HMGB1: variants seen among roughly 807,000 people sequenced by gnomAD.
The protein encoded by HMGB1 is high mobility group protein B1.
For missense variants in HMGB1, 79 were observed against 253.5 expected (o/e 0.31, Z 4.67); for synonymous variants, 81 against 84.0 (o/e 0.96, Z 0.19).
chr13:30,525,889 G>T (rs1888354894), intron 1 of HMGB1, among the ~76,000 whole-genome samples: 2 of 152,000 alleles, frequency 1.3e-5, no homozygotes, highest in South Asian at 4.1e-4. Context: ...TATAATGGGG[G>T]TTTCGTCATG....
Position 30,570,911 on chromosome 13 carries a change from T to C in HMGB1, c.-15+45760A>G, listed in dbSNP as rs1214858889. 2.0e-5 allele frequency among the ~76,000 whole-genome samples: 3 copies of C among 152,340 alleles called. No homozygotes were observed. In the East Asian group the frequency reaches 5.8e-4, roughly 29 times the overall value. On this transcript the variant is annotated intron_variant, in intron 1 of 4. Transcript: ENST00000405805. ...CCTTCTTCTTAAATAAAGGCAATTCTCTAAATATATTACCTAATGTGCTTT... is the reference window on the plus strand; with the variant it reads ...CCTTCTTCTTAAATAAAGGCAATTCCCTAAATATATTACCTAATGTGCTTT...
intron 1 of HMGB1, among the ~76,000 whole-genome samples, chr13:30,513,704 C>A (rs539057717): frequency 1.3e-5 from 2 of 152,316 alleles, no homozygotes; most frequent in South Asian, 4.1e-4. Context: ...TTGACCCACT[C>A]TCTTGATAAC....
intron 1 of HMGB1, among the ~76,000 whole-genome samples, chr13:30,545,246 G>C (rs1321836016): frequency 6.6e-6 from 1 of 151,906 alleles, no homozygotes. Context: ...GGTCAGCCTG[G>C]GCAATACAGT....
At chr13:30,610,529 C>T (rs182959775) in intron 1 of HMGB1, among the ~76,000 whole-genome samples, 6 of 152,280 alleles carry the variant, frequency 3.9e-5, no homozygotes, top group African/African-American at 1.4e-4. Flanking sequence ...TTTCATTTCA[C>T]ACATGGAAAA....
Position 30,538,581 on chromosome 13 carries a change from TTTC to T in HMGB1, c.-14-74890_-14-74888del, listed in dbSNP as rs1350922916. Among the ~76,000 whole-genome samples the T allele has an allele frequency of 2.1e-5, 3 of 145,372 alleles. 1 individual carries two copies. The East Asian group carries it at 5.9e-4, about 29-fold the overall frequency. On this transcript the variant is annotated intron_variant, in intron 1 of 4. Coordinates refer to the HMGB1 transcript ENST00000405805. ...TTTCTTTCTTCTTTTTCTTTCTTTC[TTTC>T]TTTTTCTTTCTTCTTTTTCTTTCTT... is the stretch of plus-strand genomic sequence containing the variant.
chr13:30,548,608 T>C (rs915377216), intron 1 of HMGB1, among the ~76,000 whole-genome samples: 1 of 152,212 alleles, frequency 6.6e-6, no homozygotes, highest in African/African-American at 2.4e-5. Context: ...TAAAAGAGTA[T>C]GCGGTTTGCA....
chr13:30,548,035 A>G (rs978370329), intron 1 of HMGB1, among the ~76,000 whole-genome samples: 2 of 152,176 alleles, frequency 1.3e-5, no homozygotes, highest in Non-Finnish European at 2.9e-5. Flanking sequence ...TTTTTCTAAG[A>G]AAATTTGCAA....
At chr13:30,464,301 GC>G in intron 1 of HMGB1, 1 of 985,488 alleles carries the variant, frequency 1.0e-6, no homozygotes, top group South Asian at 4.7e-5. Flanking sequence ...TATCGGTTTG[GC>G]CCTGAGATGT....
rs1355761461 is a variant in HMGB1 at position 30,562,536 on chromosome 13, T to G, written c.-15+54135A>C. Among the ~76,000 whole-genome samples, 13 of 152,284 alleles carry G rather than the reference T, an allele frequency of 8.5e-5. No individual in the cohort carries two copies. The East Asian group carries it at 2.5e-3, about 29-fold the overall frequency. On this transcript the variant is annotated intron_variant, in intron 1 of 4. Transcript: ENST00000405805. ...ATATCAACTTACTTTTATATTACAG[T>G]ATTTTTGTTATACAGAAGTTTATAT...
At chr13:30,482,876 C>T (rs1887265365) in intron 1 of HMGB1, among the ~76,000 whole-genome samples, 1 of 152,072 alleles carries the variant, frequency 6.6e-6, no homozygotes, top group Admixed American at 6.5e-5. Context: ...TAGCCTTGAC[C>T]TCCCGGGCTC....
At position 30,459,916 on chromosome 13, in the gene HMGB1, G is replaced by A. The variant is rs1477775890; in HGVS notation, c.*1441C>T. On this transcript the variant is annotated 3_prime_UTR_variant, in exon 5 of 5. Transcript: ENST00000341423. Reference sequence around the variant, plus strand: ...GACTCAGATGTTCAGTATTCCTCCTGAAATTACATAAACAAATGCAAATGG... The same window carrying A: ...GACTCAGATGTTCAGTATTCCTCCTAAAATTACATAAACAAATGCAAATGG... 6.6e-6 allele frequency: 1 copy of A among 152,474 alleles called. No homozygotes were observed. Among genetic ancestry groups the A allele is most frequent in the African/African-American group, 2.4e-5 (1 of 41,418 alleles). The allele number at this position is 152,474 out of a possible 1,614,324, so 9.4% of individuals were successfully genotyped here.
chr13:30,588,302 T>C (rs1044247320), intron 1 of HMGB1, among the ~76,000 whole-genome samples: 2 of 152,174 alleles, frequency 1.3e-5, no homozygotes, highest in African/African-American at 4.8e-5. Context: ...ACAGAATAGT[T>C]AGATTCTGAA....
At chr13:30,515,781 T>G (rs2137468354) in intron 1 of HMGB1, among the ~76,000 whole-genome samples, 1 of 152,118 alleles carries the variant, frequency 6.6e-6, no homozygotes, top group South Asian at 2.1e-4. Flanking sequence ...TTGAAACATT[T>G]AATACACCCA....
rs551275216 is a variant in HMGB1, at chr13:30,495,028, A to G, written c.-14-31334T>C. On this transcript the variant is annotated intron_variant, in intron 1 of 4. Transcript: ENST00000405805. ...TTTCCTTCACCTTTAAGATGGAATC[A>G]TATTCCATGGTATGCAGAGACTACA... Among the ~76,000 whole-genome samples, 14 of 152,324 alleles carry G rather than the reference A, an allele frequency of 9.2e-5. No homozygotes were observed. The East Asian group carries it at 2.5e-3, about 27-fold the overall frequency.
At chr13:30,613,603 C>A (rs1211589454) in intron 1 of HMGB1, among the ~76,000 whole-genome samples, 8 of 152,188 alleles carry the variant, frequency 5.3e-5, no homozygotes. Flanking sequence ...AGTCTCTACA[C>A]ATAATCTACT....
rs975759212 is a variant in HMGB1, at chr13:30,516,229, C to G, written c.-14-52535G>C. Reference sequence around the variant, plus strand: ...CCTGAACAAATTCCTCCCTCCTGACCAAGTATTAAATCAAAATAGTAGGAC... The same window carrying G: ...CCTGAACAAATTCCTCCCTCCTGACGAAGTATTAAATCAAAATAGTAGGAC... On this transcript the variant is annotated intron_variant, in intron 1 of 4. Coordinates refer to the HMGB1 transcript ENST00000405805. Among the ~76,000 whole-genome samples the G allele has an allele frequency of 3.3e-5, 5 of 152,250 alleles. No homozygotes were observed. The East Asian group carries it at 7.7e-4, about 23-fold the overall frequency.
chr13:30,529,115 A>ATT (rs1223049383), intron 1 of HMGB1, among the ~76,000 whole-genome samples: 1 of 149,240 alleles, frequency 6.7e-6, no homozygotes, highest in African/African-American at 2.5e-5. Context: ...ATAATTCGGT[A>ATT]TTTCTGGATG....
intron 1 of HMGB1, among the ~76,000 whole-genome samples, chr13:30,480,744 C>G (rs532491191): frequency 7.2e-5 from 11 of 152,126 alleles, no homozygotes; most frequent in African/African-American, 2.4e-4. Context: ...CCTTCCCTCG[C>G]TCCTTTTTCT....
intron 1 of HMGB1, among the ~76,000 whole-genome samples, chr13:30,474,959 G>GTTTTTTT (rs776923842): frequency 1.6e-5 from 1 of 64,032 alleles, no homozygotes; most frequent in Non-Finnish European, 2.6e-5. Context: ...TTCTTTTTTT[G>GTTTTTTT]TTTTTTTTTT....
Sources: gnomAD v4.1 joint callset for allele counts (sites outside exome capture counted in the v4.1 genomes callset) on GRCh38, gnomAD v4.1.1 for gene constraint, MANE v1.5 for transcripts, NCBI Gene and HGNC (gene_info 2026-07-23, HGNC 2026-07-21) for gene names.